SRRM3: variants seen among roughly 807,000 people sequenced by gnomAD.
SRRM3 encodes serine/arginine repetitive matrix protein 3.
SRRM3 carries 27 observed loss-of-function variants against 66.2 expected under a neutral mutation model. The observed-to-expected ratio is 0.41, with a 90% CI of 0.30 to 0.56. The LOEUF (loss-of-function observed/expected upper bound fraction) is 0.56, where lower values mean the gene tolerates loss of function less well. SRRM3 is among the 20% of genes least tolerant of loss of function. The pLI is 0.32. For missense variants in SRRM3, 918 were observed against 991.9 expected (o/e 0.93, Z 1.00); for synonymous variants, 391 against 414.9 (o/e 0.94, Z 0.70).
chr7:76,255,264 C>T (rs1438538175), intron 3 of SRRM3, among the ~76,000 whole-genome samples: 2 of 150,152 alleles, frequency 1.3e-5, no homozygotes, highest in African/African-American at 4.9e-5. Context: ...ATTCTCCTGC[C>T]TCAGCCCCTC....
In SRRM3 at chr7:76,275,083, G is replaced by A. The variant is rs372073006; in HGVS notation, c.1009-6358G>A. Among the ~76,000 whole-genome samples, 29 of 148,992 alleles carry A rather than the reference G, an allele frequency of 1.9e-4. No individual in the cohort carries two copies. In the East Asian group the frequency reaches 3.4e-3, roughly 17 times the overall value. ...ATCGTGCCACTGCACTCCAGCATGG[G>A]TGACAGAACAAGACTCAGTCTCAAA... On this transcript the variant is annotated intron_variant, in intron 11 of 14. Transcript: ENST00000611745.
At chr7:76,235,320 G>T in intron 2 of SRRM3, 21 bp downstream of exon 2, 1 of 1,476,924 alleles carries the variant, frequency 6.8e-7, no homozygotes, top group South Asian at 1.3e-5. Flanking sequence ...CGCGGGGCGG[G>T]ACTGGGGTGG....
At chr7:76,258,887 T>C (rs1801786896) in intron 3 of SRRM3, among the ~76,000 whole-genome samples, 1 of 149,118 alleles carries the variant, frequency 6.7e-6, no homozygotes, top group African/African-American at 2.5e-5. Context: ...AGAAACCCCA[T>C]CTCTACTAAA....
chr7:76,219,257 T>A (rs1800654112), intron 1 of SRRM3, among the ~76,000 whole-genome samples: 1 of 152,228 alleles, frequency 6.6e-6, no homozygotes, highest in South Asian at 2.1e-4. Flanking sequence ...TCTGAGCTCC[T>A]GGCTTGGCTG....
intron 2 of SRRM3, among the ~76,000 whole-genome samples, chr7:76,237,256 A>C (rs1232633088): frequency 6.6e-6 from 1 of 152,122 alleles, no homozygotes; most frequent in Non-Finnish European, 1.5e-5. Flanking sequence ...AAATACAAAA[A>C]ATTAGCCGGG....
At chr7:76,283,227 G>C in intron 14 of SRRM3, 126 bp downstream of exon 14, 1 of 995,406 alleles carries the variant, frequency 1.0e-6, no homozygotes, top group Non-Finnish European at 1.3e-6. Context: ...ATGGGGGGGG[G>C]TGCTAAGGGA....
intron 1 of SRRM3, among the ~76,000 whole-genome samples, chr7:76,211,076 T>A (rs1197132145): frequency 6.6e-6 from 1 of 152,192 alleles, no homozygotes; most frequent in Non-Finnish European, 1.5e-5. Context: ...CCTCCCAAAG[T>A]GCTGGGATTA....
chr7:76,257,096 C>T (rs1431092695), intron 3 of SRRM3, among the ~76,000 whole-genome samples: 1 of 152,168 alleles, frequency 6.6e-6, no homozygotes, highest in Admixed American at 6.6e-5. Flanking sequence ...CATCCTGCGA[C>T]TCAGAATGCC....
chr7:76,215,394 GT>G lies in SRRM3; in HGVS notation c.-40+13353del, dbSNP rs1170079332. Among the ~76,000 whole-genome samples, 352 of 95,122 alleles carry G rather than the reference GT, an allele frequency of 3.7e-3. 1 individual carries two copies. Among genetic ancestry groups the G allele is most frequent in the East Asian group, 9.1e-3 (27 of 2,956 alleles). 62.4% of individuals were successfully genotyped at this position (95,122 alleles called of 152,430 possible). On this transcript the variant is annotated intron_variant, in intron 1 of 14. Transcript: ENST00000611745. ...CTGGGCTGGGAGTTAGGAGCCCGCA[GT>G]TTTTTTTTTTTTTTTTTTTTTTTTT...
chr7:76,212,487 T>C (rs1461073164), intron 1 of SRRM3, among the ~76,000 whole-genome samples: 73 of 135,198 alleles, frequency 5.4e-4, no homozygotes, highest in Non-Finnish European at 9.6e-4. Flanking sequence ...TTTTTTTTTT[T>C]AGATGGAGTG....
At chr7:76,231,053 A>T (rs1801003090) in intron 1 of SRRM3, among the ~76,000 whole-genome samples, 1 of 152,128 alleles carries the variant, frequency 6.6e-6, no homozygotes, top group Admixed American at 6.5e-5. Flanking sequence ...GCCCAGCCTC[A>T]CAATGATTTC....
Position 76,250,340 on chromosome 7 carries a change from T to A in SRRM3, c.335+2051T>A, listed in dbSNP as rs148825834. Among the ~76,000 whole-genome samples the A allele has an allele frequency of 5.9e-3, 901 of 152,302 alleles. 26 individuals carry two copies. Among genetic ancestry groups the A allele is most frequent in the Admixed American group, 0.051 (775 of 15,286 alleles). On this transcript the variant is annotated intron_variant, in intron 3 of 14. Transcript: ENST00000611745. ...TCTGCCCCCCGGGTTCAAGCAATTCTCCTGCCTCAGCCTCCTGAGTAGCTG... is the reference window on the plus strand; with the variant it reads ...TCTGCCCCCCGGGTTCAAGCAATTCACCTGCCTCAGCCTCCTGAGTAGCTG...
chr7:76,231,925 A>G (rs1563615960), intron 1 of SRRM3, among the ~76,000 whole-genome samples: 2 of 152,128 alleles, frequency 1.3e-5, no homozygotes, highest in African/African-American at 4.8e-5. Context: ...GGCACAAAGG[A>G]GGAAGTAAGG....
intron 9 of SRRM3, 35 bp from the exon 10 acceptor site, chr7:76,265,329 T>C (rs369988025): frequency 1.2e-5 from 18 of 1,531,410 alleles, no homozygotes; most frequent in Middle Eastern, 4.4e-4. Flanking sequence ...GGGGGCAGAA[T>C]TGAGGTACAG....
intron 11 of SRRM3, among the ~76,000 whole-genome samples, chr7:76,280,736 G>T (rs1319119594): frequency 1.3e-5 from 2 of 151,606 alleles, no homozygotes; most frequent in African/African-American, 4.8e-5. Flanking sequence ...CTCGGGCCCG[G>T]TGAAAGCCCT....
chr7:76,204,249 C>A (rs1554600882), intron 1 of SRRM3, among the ~76,000 whole-genome samples: 1 of 152,126 alleles, frequency 6.6e-6, no homozygotes, highest in African/African-American at 2.4e-5. Flanking sequence ...CCCCCAGGGA[C>A]AAAATCATAG....
chr7:76,226,224 T>G, intron 1 of SRRM3, among the ~76,000 whole-genome samples: 1 of 152,244 alleles, frequency 6.6e-6, no homozygotes, highest in East Asian at 1.9e-4. Flanking sequence ...GCATCCAGTT[T>G]GTGGCCCACT....
At chr7:76,225,652 C>CG (rs1563613090) in intron 1 of SRRM3, among the ~76,000 whole-genome samples, 1 of 152,048 alleles carries the variant, frequency 6.6e-6, no homozygotes, top group African/African-American at 2.4e-5. Context: ...GAAGCCAAGG[C>CG]GGGGGATCAC....
chr7:76,209,228 C>T (rs1038120749), intron 1 of SRRM3, among the ~76,000 whole-genome samples: 4 of 152,140 alleles, frequency 2.6e-5, no homozygotes, highest in African/African-American at 4.8e-5. Context: ...GCACGAGGCC[C>T]GAGGACACAG....
Sources: gnomAD v4.1 joint callset for allele counts (sites outside exome capture counted in the v4.1 genomes callset) on GRCh38, gnomAD v4.1.1 for gene constraint, MANE v1.5 for transcripts, NCBI Gene and HGNC (gene_info 2026-07-23, HGNC 2026-07-21) for gene names.